Variants in GCNT2 observed in about 807,000 individuals in gnomAD.
The protein encoded by GCNT2 is N-acetyllactosaminide beta-1,6-N-acetylglucosaminyl-transferase.
GCNT2 carries 34 observed loss-of-function variants against 34.2 expected under a neutral mutation model. The ratio of observed to expected loss-of-function variants is 1.00; its 90% CI spans 0.76 to 1.32. The LOEUF (loss-of-function observed/expected upper bound fraction) is 1.32, where lower values mean the gene tolerates loss of function less well. GCNT2 is among the 40% of genes most tolerant of loss of function. The pLI is 0.00. For missense variants in GCNT2, 584 were observed against 489.4 expected (o/e 1.19, Z -1.82); for synonymous variants, 212 against 188.0 (o/e 1.13, Z -1.04).
intron 3 of GCNT2, among the ~76,000 whole-genome samples, chr6:10,574,057 A>G (rs1363102590): frequency 2.6e-5 from 4 of 152,074 alleles, no homozygotes; most frequent in Non-Finnish European, 5.9e-5. Context: ...ATTGTTCTAA[A>G]CTCTTTTTAT....
intron 3 of GCNT2, among the ~76,000 whole-genome samples, chr6:10,584,095 T>G (rs993285552): frequency 6.6e-6 from 1 of 152,126 alleles, no homozygotes; most frequent in African/African-American, 2.4e-5. Context: ...GCTCACTTAC[T>G]CTGAGTCTCT....
At chr6:10,586,799 C>CA in intron 3 of GCNT2, 4 of 1,613,786 alleles carry the variant, frequency 2.5e-6, no homozygotes, top group Non-Finnish European at 3.4e-6. Flanking sequence ...TGGCGCTTAC[C>CA]AGAGACTTTG....
intron 3 of GCNT2, chr6:10,574,946 G>A (rs1011397222): frequency 6.9e-6 from 5 of 721,192 alleles, no homozygotes; most frequent in African/African-American, 3.5e-5. Flanking sequence ...TGCTTAATGT[G>A]CTCAATACAC....
At position 10,628,270 on chromosome 6, in the gene GCNT2, ATATT is replaced by A. The variant is rs886060909; in HGVS notation, c.*1672_*1675del. On this transcript the variant is annotated 3_prime_UTR_variant, in exon 5 of 5. Coordinates refer to ENST00000495262, the MANE Select transcript of GCNT2 (RefSeq NM_145649.5). Reference sequence around the variant, plus strand: ...TAATACTAAACCGTTGAGTTTCTAAATATTTATTTATTCTAACAAAAAGCAATTA... The same window carrying A: ...TAATACTAAACCGTTGAGTTTCTAAATATTTATTCTAACAAAAAGCAATTA... 9.2e-5 allele frequency: 14 copies of A among 152,764 alleles called. No homozygotes were observed. The highest frequency in any genetic ancestry group is 2.6e-4 in the Admixed American group (4 of 15,302). The allele number at this position is 152,764 out of a possible 1,614,324, so 9.5% of individuals were successfully genotyped here. A position where few individuals can be genotyped will look rare whatever the true frequency, so the allele number is the denominator to read the frequency against.
intron 1 of GCNT2, among the ~76,000 whole-genome samples, chr6:10,526,334 C>T (rs1163687027): frequency 6.6e-6 from 1 of 152,130 alleles, no homozygotes; most frequent in East Asian, 1.9e-4. Flanking sequence ...AGAGAATTTT[C>T]CCTGTGTCCT....
chr6:10,533,083 G>C (rs895892721), intron 3 of GCNT2, among the ~76,000 whole-genome samples: 1 of 151,852 alleles, frequency 6.6e-6, no homozygotes, highest in South Asian at 2.1e-4. Context: ...GAGCTGGGTG[G>C]ATCGCCTGAA....
chr6:10,569,366 A>G (rs1763435803), intron 3 of GCNT2, among the ~76,000 whole-genome samples: 1 of 151,954 alleles, frequency 6.6e-6, no homozygotes, highest in African/African-American at 2.4e-5. Flanking sequence ...TCCATCTACC[A>G]GGCTGGATTG....
chr6:10,592,400 A>G lies in GCNT2; in HGVS notation c.926-28951A>G, dbSNP rs564845210. Reference sequence around the variant, plus strand: ...AAGGGCTCTAGGCTCTTCCCAGGTCAGTAATTCAGGTAGGATCACAGGGGA... The same window carrying G: ...AAGGGCTCTAGGCTCTTCCCAGGTCGGTAATTCAGGTAGGATCACAGGGGA... On this transcript the variant is annotated intron_variant, in intron 3 of 4. Coordinates refer to ENST00000495262, the MANE Select transcript of GCNT2 (RefSeq NM_145649.5). 7.9e-5 allele frequency among the ~76,000 whole-genome samples: 12 copies of G among 152,320 alleles called. No individual in the cohort carries two copies. The South Asian group carries it at 1.0e-3, about 13-fold the overall frequency.
chr6:10,523,647 G>A (rs1761034023), intron 1 of GCNT2, among the ~76,000 whole-genome samples: 2 of 151,952 alleles, frequency 1.3e-5, no homozygotes, highest in Non-Finnish European at 2.9e-5. Flanking sequence ...TCCCAGCATG[G>A]CCTGGAGATT....
At position 10,582,434 on chromosome 6, in the gene GCNT2, TAA is replaced by T. The variant is rs1561816656; in HGVS notation, c.926-38916_926-38915del. The stretch of plus-strand genomic sequence containing the variant: ...ATAATATTTATTATATACTATAATT[TAA>T]TATTTATTATATAATATATATAATA... On this transcript the variant is annotated intron_variant, in intron 3 of 4. Transcript: ENST00000495262. Among the ~76,000 whole-genome samples, 41 of 118,688 alleles carry T rather than the reference TAA, an allele frequency of 3.5e-4. 2 individuals carry two copies. The highest frequency in any genetic ancestry group is 1.6e-3 in the African/African-American group (40 of 25,426). The allele number at this position is 118,688 out of a possible 152,430, so 77.9% of individuals were successfully genotyped here.
chr6:10,556,754 C>T, intron 3 of GCNT2: 1 of 1,614,096 alleles, frequency 6.2e-7, no homozygotes, highest in Non-Finnish European at 8.5e-7. Context: ...CTTTGCAAGG[C>T]TCTTCAGGGC....
intron 3 of GCNT2, among the ~76,000 whole-genome samples, chr6:10,552,136 G>T (rs1217659378): frequency 6.6e-6 from 1 of 152,134 alleles, no homozygotes; most frequent in Admixed American, 6.5e-5. Context: ...TAGATGAAAG[G>T]TATAGAAAGT....
intron 3 of GCNT2, among the ~76,000 whole-genome samples, chr6:10,543,414 C>T (rs1762123511): frequency 1.3e-5 from 2 of 152,068 alleles, no homozygotes; most frequent in Non-Finnish European, 2.9e-5. Context: ...TGGTCTCAAA[C>T]TCCTTACCTC....
At position 10,627,110 on chromosome 6, in the gene GCNT2, GGAGA is replaced by G; in HGVS notation, c.*504_*507del. On this transcript the variant is annotated 3_prime_UTR_variant, in exon 5 of 5. Coordinates refer to ENST00000495262, the MANE Select transcript of GCNT2 (RefSeq NM_145649.5). ...CCTTTAAAACATAAGCTACCTGAATGGAGAATACATCTTGTTTCTGAGTTTCAAC... is the reference window on the plus strand; with the variant it reads ...CCTTTAAAACATAAGCTACCTGAATGATACATCTTGTTTCTGAGTTTCAAC... 6.1e-6 allele frequency: 1 copy of G among 162,644 alleles called. No homozygotes were observed. The highest frequency in any genetic ancestry group is 1.4e-5 in the Non-Finnish European group (1 of 73,372). 10.1% of individuals were successfully genotyped at this position (162,644 alleles called of 1,614,324 possible).
At chr6:10,566,558 C>T (rs527311245) in intron 3 of GCNT2, among the ~76,000 whole-genome samples, 5 of 152,250 alleles carry the variant, frequency 3.3e-5, no homozygotes, top group Admixed American at 2.0e-4. Flanking sequence ...CCTCCCAAAG[C>T]GTTGGGATTA....
rs187538009 is a variant in GCNT2, at chr6:10,570,877, T to C, written c.925+41041T>C. On this transcript the variant is annotated intron_variant, in intron 3 of 4. Coordinates refer to ENST00000495262, the MANE Select transcript of GCNT2 (RefSeq NM_145649.5). ...GGTCTGTTGGAGTTAACCGGCTTCCTCCCCACTTCTAAGCCTTGTAGATTT... is the reference window on the plus strand; with the variant it reads ...GGTCTGTTGGAGTTAACCGGCTTCCCCCCCACTTCTAAGCCTTGTAGATTT... Among the ~76,000 whole-genome samples, 1,000 of 152,310 alleles carry C rather than the reference T, an allele frequency of 6.6e-3. 15 individuals are homozygous for C. Among genetic ancestry groups the C allele is most frequent in the Admixed American group, 0.037 (566 of 15,296 alleles).
chr6:10,531,057 A>T (rs1399887621), intron 3 of GCNT2, among the ~76,000 whole-genome samples: 1 of 151,780 alleles, frequency 6.6e-6, no homozygotes, highest in Non-Finnish European at 1.5e-5. Context: ...AAAAAAAAAA[A>T]GATTTCTAGA....
chr6:10,609,828 G>A (rs1485251480), intron 3 of GCNT2, among the ~76,000 whole-genome samples: 2 of 152,210 alleles, frequency 1.3e-5, no homozygotes, highest in African/African-American at 4.8e-5. Context: ...TGAGGAGTTG[G>A]AATTCTGGTA....
intron 3 of GCNT2, among the ~76,000 whole-genome samples, chr6:10,582,621 T>C (rs952988825): frequency 1.4e-5 from 2 of 140,806 alleles, no homozygotes; most frequent in Non-Finnish European, 3.0e-5. Flanking sequence ...TAAATATATA[T>C]ATTTTTTTTC....
Sources: gnomAD v4.1 joint callset for allele counts (sites outside exome capture counted in the v4.1 genomes callset) on GRCh38, gnomAD v4.1.1 for gene constraint, MANE v1.5 for transcripts, NCBI Gene and HGNC (gene_info 2026-07-23, HGNC 2026-07-21) for gene names.